The following SF3B3 variants were observed in gnomAD, a reference collection of about 807,000 sequenced individuals.
SF3B3 encodes the protein SAP 130.
Under a neutral mutation model 139.2 loss-of-function variants are expected in SF3B3, and 33 were observed. That is an observed-to-expected ratio of 0.24 (90% CI 0.18 to 0.32). SF3B3 has a LOEUF of 0.32. Among genes scored for constraint, SF3B3 ranks in the 10% least tolerant of loss-of-function variants. SF3B3 has a pLI of 1.00. For synonymous variants in SF3B3, 596 were observed against 563.6 expected (o/e 1.06, Z -0.81); for missense variants, 818 against 1,509.4 (o/e 0.54, Z 7.59).
intron 8 of SF3B3, 28 bp downstream of exon 8, chr16:70,539,235 C>T (rs771492034): frequency 2.0e-6 from 3 of 1,510,800 alleles, no homozygotes; most frequent in Non-Finnish European, 2.8e-6. Context: ...TACCCTAGTT[C>T]ACCCTGGTTG....
At chr16:70,563,086 G>C (rs2151792661) in intron 17 of SF3B3, among the ~76,000 whole-genome samples, 1 of 152,170 alleles carries the variant, frequency 6.6e-6, no homozygotes, top group South Asian at 2.1e-4. Flanking sequence ...TCCCACCTCA[G>C]CCTCCCAAGT....
At chr16:70,564,691 C>A (rs2050459194) in intron 18 of SF3B3, among the ~76,000 whole-genome samples, 1 of 152,230 alleles carries the variant, frequency 6.6e-6, no homozygotes, top group East Asian at 1.9e-4. Context: ...CCACGTAGAA[C>A]TGTATCCATC....
intron 16 of SF3B3, among the ~76,000 whole-genome samples, chr16:70,561,004 T>G (rs1238407657): frequency 2.0e-5 from 3 of 152,074 alleles, no homozygotes; most frequent in Non-Finnish European, 4.4e-5. Context: ...GCTAATTGAT[T>G]CCATTTAATT....
intron 8 of SF3B3, among the ~76,000 whole-genome samples, chr16:70,540,121 G>A (rs1328260282): frequency 1.3e-5 from 2 of 149,980 alleles, no homozygotes; most frequent in South Asian, 2.1e-4. Flanking sequence ...ATGGCCAGGC[G>A]CGGTGGCTCA....
chr16:70,545,585 A>G (rs962704865), intron 10 of SF3B3, among the ~76,000 whole-genome samples: 1 of 152,204 alleles, frequency 6.6e-6, no homozygotes, highest in Non-Finnish European at 1.5e-5. Context: ...AAAGCTTCCT[A>G]TAACAGTTTG....
At position 70,575,169 on chromosome 16, in the gene SF3B3, TTTTTTCTTTTTC is replaced by T. The variant is rs1167072059; in HGVS notation, c.*3368_*3379del. On this transcript the variant is annotated 3_prime_UTR_variant, in exon 26 of 26. Transcript: ENST00000302516. ...AGCACAACCAAGAGTTGTTTCTCTT[TTTTTTCTTTTTC>T]TTTTTCTTTTTTTTCTTTTTTTTTT... The T allele has an allele frequency of 6.6e-6, 1 of 151,902 alleles. No individual in the cohort carries two copies. The highest frequency in any genetic ancestry group is 1.5e-5 in the Non-Finnish European group (1 of 68,208). 9.4% of individuals were successfully genotyped at this position (151,902 alleles called of 1,614,324 possible). A position where few individuals can be genotyped will look rare whatever the true frequency, so the allele number is the denominator to read the frequency against.
intron 15 of SF3B3, among the ~76,000 whole-genome samples, chr16:70,558,753 G>A (rs1482413733): frequency 2.6e-5 from 4 of 151,928 alleles, no homozygotes; most frequent in Non-Finnish European, 4.4e-5. Flanking sequence ...GCACCACTAC[G>A]CCCGGCTAAT....
chr16:70,570,849 A>G (rs2151796232), intron 24 of SF3B3, among the ~76,000 whole-genome samples: 1 of 152,340 alleles, frequency 6.6e-6, no homozygotes, highest in Non-Finnish European at 1.5e-5. Context: ...GGGATCAGGA[A>G]TCTGACCTCA....
chr16:70,557,086 C>T, intron 15 of SF3B3, 57 bp downstream of exon 15: 1 of 1,501,184 alleles, frequency 6.7e-7, no homozygotes, highest in Non-Finnish European at 8.9e-7. Context: ...GTTTCACACA[C>T]TCCTTTGTTT....
At chr16:70,539,250 A>T (rs906909344) in intron 8 of SF3B3, 43 bp downstream of exon 8, 2 of 1,437,688 alleles carry the variant, frequency 1.4e-6, no homozygotes, top group Non-Finnish European at 2.0e-6. Flanking sequence ...TGGTTGGGAT[A>T]AAAGTTGGCA....
At chr16:70,554,349 G>A in intron 11 of SF3B3, 97 bp from the exon 12 acceptor site, 1 of 1,170,400 alleles carries the variant, frequency 8.5e-7, no homozygotes, top group Non-Finnish European at 1.2e-6. Flanking sequence ...TAGAAGAACT[G>A]CCTTGGAAGG....
rs2050588035 is a variant in SF3B3 at position 70,577,117 on chromosome 16, A to T, written c.*5304A>T. 1 of 152,274 alleles carries T rather than the reference A, an allele frequency of 6.6e-6. No homozygotes were observed. Among genetic ancestry groups the T allele is most frequent in the Non-Finnish European group, 1.5e-5 (1 of 68,154 alleles). The allele number at this position is 152,274 out of a possible 1,614,324, so 9.4% of individuals were successfully genotyped here. On this transcript the variant is annotated 3_prime_UTR_variant, in exon 26 of 26. Coordinates refer to ENST00000302516, the MANE Select transcript of SF3B3 (RefSeq NM_012426.5). The stretch of plus-strand genomic sequence containing the variant: ...CACTCCAGCCTGGATGACAGGACGA[A>T]ACCTGTCTCAAAAACACCAAAAAAC...
chr16:70,563,622 C>T (rs763854219), intron 17 of SF3B3: 15 of 391,708 alleles, frequency 3.8e-5, no homozygotes, highest in Middle Eastern at 6.5e-4. Flanking sequence ...TTTTGACAAT[C>T]GTTTGTGTTT....
chr16:70,527,878 C>T (rs1243598515), intron 2 of SF3B3, among the ~76,000 whole-genome samples: 3 of 152,084 alleles, frequency 2.0e-5, no homozygotes, highest in Admixed American at 6.6e-5. Context: ...TGGGTTCAAG[C>T]GATTCTCCTG....
chr16:70,567,541 G>A lies in SF3B3; in HGVS notation c.2952+5G>A. ...CTCCGAAAATGTGAGAATAAGGTAA[G>A]TGTGCTGGCATTGGTGCTGAGATCT... On this transcript the variant is annotated splice_donor_5th_base_variant and intron_variant, in intron 21 of 25. Transcript: ENST00000302516. 6.2e-7 allele frequency: 1 copy of A among 1,612,820 alleles called. No homozygotes were observed. The highest frequency in any genetic ancestry group is 8.5e-7 in the Non-Finnish European group (1 of 1,179,378).
chr16:70,532,676 A>C (rs2050132907), intron 5 of SF3B3, 56 bp downstream of exon 5: 1 of 1,547,226 alleles, frequency 6.5e-7, no homozygotes, highest in African/African-American at 1.4e-5. Context: ...TTTATGCCCA[A>C]ACCTAATAGG....
intron 18 of SF3B3, 72 bp downstream of exon 18, chr16:70,564,122 G>T: frequency 6.7e-7 from 1 of 1,500,650 alleles, no homozygotes; most frequent in Admixed American, 1.8e-5. Flanking sequence ...AAACTGCCCG[G>T]CACTTTGGGA....
intron 8 of SF3B3, among the ~76,000 whole-genome samples, chr16:70,540,997 G>GT (rs1246429047): frequency 1.3e-5 from 2 of 152,178 alleles, no homozygotes; most frequent in Admixed American, 6.5e-5. Context: ...GTAATTCTGT[G>GT]TTTAACTTTT....
In SF3B3 at chr16:70,528,887, G is replaced by T. The variant is rs779652565; in HGVS notation, c.85G>T (p.Glu29Ter). 1 of 1,607,526 alleles carries T rather than the reference G, an allele frequency of 6.2e-7. No homozygotes were observed. Among genetic ancestry groups the T allele is most frequent in the South Asian group, 1.1e-5 (1 of 90,816 alleles). Residue 29 changes from glutamate (E) to a stop codon, truncating the protein, a stop_gained, in exon 3 of 26, where the codon GAA (glutamate) becomes TAA (stop). Coordinates refer to ENST00000302516, the MANE Select transcript of SF3B3 (RefSeq NM_012426.5). LOFTEE classifies it high-confidence loss of function. Reference sequence around the variant, plus strand: ...TGGTGATCTAGGAACCAAACAACAAGAAATTGTTGTTTCCCGTGGGAAGAT... The same window carrying T: ...TGGTGATCTAGGAACCAAACAACAATAAATTGTTGTTTCCCGTGGGAAGAT... ...HGNFSGTKQQ[E>*]IVVSRGKILE...
Sources: allele counts gnomAD v4.1 joint callset (sites outside exome capture counted in the v4.1 genomes callset), GRCh38; gene constraint gnomAD v4.1.1; transcripts MANE v1.5; gene names NCBI Gene and HGNC (gene_info 2026-07-23, HGNC 2026-07-21).